LHFPL2: variants seen among roughly 807,000 people sequenced by gnomAD.
LHFPL2 encodes the protein LHFPL tetraspan subfamily member 2.
A neutral mutation model predicts 17.5 loss-of-function variants in LHFPL2; 7 were observed. That is an observed-to-expected ratio of 0.40 (90% confidence interval 0.23 to 0.75). The LOEUF is 0.75. LHFPL2 is among the 30% of genes least tolerant of loss of function. The pLI, the probability that LHFPL2 is intolerant of heterozygous loss-of-function variation, is 0.37. For synonymous variants in LHFPL2, 134 were observed against 116.2 expected (o/e 1.15, Z -0.99); for missense variants, 241 against 294.8 (o/e 0.82, Z 1.34).
intron 3 of LHFPL2, among the ~76,000 whole-genome samples, chr5:78,536,008 G>A (rs1186762253): frequency 6.6e-6 from 1 of 152,172 alleles, no homozygotes; most frequent in Non-Finnish European, 1.5e-5. Context: ...CCTGTGCAGA[G>A]GTATTCCTGG....
intron 2 of LHFPL2, chr5:78,625,391 G>A (rs541125484): frequency 1.3e-4 from 20 of 152,208 alleles, no homozygotes; most frequent in African/African-American, 4.3e-4. Context: ...ATTCTTCTGG[G>A]GAAGCTGAGC....
intron 2 of LHFPL2, chr5:78,625,921 G>A (rs1164474041): frequency 6.6e-6 from 1 of 152,240 alleles, no homozygotes; most frequent in East Asian, 1.9e-4. Context: ...CTCTGCATTG[G>A]CGCCAAGAGG....
At chr5:78,489,330 T>C (rs939730597) in intron 4 of LHFPL2, among the ~76,000 whole-genome samples, 177 bp from the exon 5 acceptor site, 1 of 152,222 alleles carries the variant, frequency 6.6e-6, no homozygotes, top group African/African-American at 2.4e-5. Context: ...ATCACATTAT[T>C]AGAAATATTT....
chr5:78,614,957 C>T (rs1744547612), intron 2 of LHFPL2, among the ~76,000 whole-genome samples: 1 of 152,214 alleles, frequency 6.6e-6, no homozygotes. Flanking sequence ...CAGTCTGGCT[C>T]CAAAGCCTGG....
At chr5:78,525,604 T>C (rs531159216) in intron 3 of LHFPL2, among the ~76,000 whole-genome samples, 16 of 152,282 alleles carry the variant, frequency 1.1e-4, no homozygotes, top group African/African-American at 3.9e-4. Flanking sequence ...AAAAATCAAG[T>C]TGTTTTCATC....
chr5:78,582,706 G>C (rs368214192), intron 2 of LHFPL2, among the ~76,000 whole-genome samples: 6 of 152,128 alleles, frequency 3.9e-5, no homozygotes, highest in Admixed American at 6.5e-5. Flanking sequence ...TTACTTCCAA[G>C]TATGTGGTCA....
At chr5:78,630,910 G>A (rs900884410) in intron 2 of LHFPL2, among the ~76,000 whole-genome samples, 15 of 152,114 alleles carry the variant, frequency 9.9e-5, no homozygotes, top group Admixed American at 7.2e-4. Flanking sequence ...TCAGCCACCC[G>A]GCAGCTCCTG....
intron 3 of LHFPL2, among the ~76,000 whole-genome samples, chr5:78,515,591 T>C (rs1755268475): frequency 6.6e-6 from 1 of 152,114 alleles, no homozygotes; most frequent in Non-Finnish European, 1.5e-5. Flanking sequence ...CTTCCAAGAG[T>C]TGGAAAGACC....
At chr5:78,568,929 C>T (rs1163657578) in intron 2 of LHFPL2, among the ~76,000 whole-genome samples, 1 of 152,080 alleles carries the variant, frequency 6.6e-6, no homozygotes, top group Non-Finnish European at 1.5e-5. Context: ...TCTTTACTAT[C>T]CCCATTTTAT....
chr5:78,561,831 A>G (rs1003884566), intron 3 of LHFPL2, among the ~76,000 whole-genome samples: 1 of 152,216 alleles, frequency 6.6e-6, no homozygotes, highest in Non-Finnish European at 1.5e-5. Flanking sequence ...TCACCTAATT[A>G]TAAGTGGTTA....
intron 1 of LHFPL2, among the ~76,000 whole-genome samples, chr5:78,639,630 A>G (rs1481247705): frequency 8.7e-6 from 1 of 115,214 alleles, no homozygotes; most frequent in African/African-American, 3.5e-5. Flanking sequence ...ACAGTTGGCC[A>G]TTTTAAAAAA....
intron 3 of LHFPL2, among the ~76,000 whole-genome samples, chr5:78,520,846 C>A (rs918178863): frequency 3.3e-5 from 5 of 152,198 alleles, no homozygotes; most frequent in South Asian, 2.1e-4. Flanking sequence ...TGCCCCGGGC[C>A]GCAGAGATGG....
At chr5:78,496,784 G>A (rs572685051) in intron 4 of LHFPL2, among the ~76,000 whole-genome samples, 2 of 152,180 alleles carry the variant, frequency 1.3e-5, no homozygotes, top group Non-Finnish European at 2.9e-5. Flanking sequence ...CCTCCAGATG[G>A]GAAGCCTCAC....
At chr5:78,637,797 G>GT (rs1416694168) in intron 1 of LHFPL2, among the ~76,000 whole-genome samples, 1 of 152,240 alleles carries the variant, frequency 6.6e-6, no homozygotes, top group Admixed American at 6.5e-5. Flanking sequence ...CAGCCCTGCT[G>GT]TATCAGAGTC....
At chr5:78,526,447 G>A (rs1755623526) in intron 3 of LHFPL2, among the ~76,000 whole-genome samples, 1 of 152,142 alleles carries the variant, frequency 6.6e-6, no homozygotes, top group South Asian at 2.1e-4. Context: ...GTGAGACAAA[G>A]CCTGGCAATA....
chr5:78,576,088 T>A (rs200191400), intron 2 of LHFPL2, among the ~76,000 whole-genome samples: 16 of 151,148 alleles, frequency 1.1e-4, no homozygotes, highest in Non-Finnish European at 2.1e-4. Flanking sequence ...GAGGTCAGGA[T>A]ATCGAGACCA....
intron 2 of LHFPL2, among the ~76,000 whole-genome samples, chr5:78,624,246 G>A (rs906536472): frequency 3.9e-5 from 6 of 152,190 alleles, no homozygotes; most frequent in Non-Finnish European, 5.9e-5. Context: ...TTGACCCACC[G>A]GGAGATGGGC....
chr5:78,565,987 G>T (rs1756849654), intron 2 of LHFPL2, among the ~76,000 whole-genome samples: 1 of 152,094 alleles, frequency 6.6e-6, no homozygotes, highest in African/African-American at 2.4e-5. Context: ...AGGACTATAA[G>T]GTAACACTGT....
chr5:78,580,002 C>T (rs549308590), intron 2 of LHFPL2, among the ~76,000 whole-genome samples: 1 of 152,214 alleles, frequency 6.6e-6, no homozygotes, highest in East Asian at 1.9e-4. Flanking sequence ...ACATCCTCTC[C>T]AGCACCTGTT....
Sources: allele counts gnomAD v4.1 joint callset (sites outside exome capture counted in the v4.1 genomes callset), GRCh38; gene constraint gnomAD v4.1.1; transcripts MANE v1.5; gene names NCBI Gene and HGNC (gene_info 2026-07-23, HGNC 2026-07-21).